Variants in ANO7 observed in about 807,000 individuals in gnomAD.
ANO7 encodes the protein anoctamin 7.
Under a neutral mutation model 115.8 loss-of-function variants are expected in ANO7, and 114 were observed. That is an observed-to-expected ratio of 0.98 (90% CI 0.85 to 1.15). ANO7 has a LOEUF of 1.15. ANO7 is among the 50% of genes most tolerant of loss of function. The pLI is 0.00. For missense variants in ANO7, 1,302 were observed against 1,201.2 expected (o/e 1.08, Z -1.24); for synonymous variants, 550 against 498.2 (o/e 1.10, Z -1.38).
chr2:241,195,091 T>C (rs1417346511), intron 3 of ANO7, among the ~76,000 whole-genome samples: 4 of 152,174 alleles, frequency 2.6e-5, no homozygotes, highest in African/African-American at 7.2e-5. Flanking sequence ...GGTGGCTCCG[T>C]CTTCTTCCCA....
intron 21 of ANO7, among the ~76,000 whole-genome samples, chr2:241,221,519 G>GCTA: frequency 6.6e-6 from 1 of 151,840 alleles, no homozygotes; most frequent in Admixed American, 6.6e-5. Context: ...ACAGGCGTGC[G>GCTA]CTACCACACC....
chr2:241,239,502 G>A, the ANO7 span: 2 of 947,490 alleles, frequency 2.1e-6, no homozygotes, highest in Non-Finnish European at 3.3e-6. This position sits in a 1 kb window ranked among gnomAD's most constrained non-coding sequence, Gnocchi z 4.6. Context: ...GGCTGTATGA[G>A]GGAGTCACCT....
intron 2 of ANO7, 118 bp downstream of exon 2, chr2:241,190,289 C>A: frequency 1.2e-6 from 1 of 836,540 alleles, no homozygotes; most frequent in Non-Finnish European, 1.9e-6. Context: ...GTTTCTCCTG[C>A]ATCCCCCGGC....
At chr2:241,201,529 G>A (rs1429223885) in intron 7 of ANO7, among the ~76,000 whole-genome samples, 174 bp downstream of exon 7, 1 of 152,218 alleles carries the variant, frequency 6.6e-6, no homozygotes, top group Non-Finnish European at 1.5e-5. Context: ...CACAGGGCAG[G>A]CCATGACCTG....
rs2068913677 is a variant in ANO7, at chr2:241,218,295, C to T, written c.2235C>T (p.Thr745=). 2 of 1,536,560 alleles carry T rather than the reference C, an allele frequency of 1.3e-6. No individual in the cohort carries two copies. Among genetic ancestry groups the T allele is most frequent in the Non-Finnish European group, 1.7e-6 (2 of 1,149,326 alleles). The change falls in exon 21 of 25, where the codon ACC becomes ACT. Residue 745 remains threonine (T), a synonymous_variant. Transcript: ENST00000674324. ...TGCCGCGCGCCTACTACCGGTGGAC[C>T]CGCGCCCACGACCTGCGCGGCTTCC... is the stretch of plus-strand genomic sequence containing the variant. ...DFLPRAYYRW[T]RAHDLRGFLN... is the part of the protein sequence containing the mutation.
downstream of ANO7, among the ~76,000 whole-genome samples, chr2:241,226,290 C>T (rs557593123): frequency 9.2e-5 from 14 of 152,180 alleles, no homozygotes; most frequent in African/African-American, 3.1e-4. Context: ...CCATCCGTGC[C>T]GAGCATCCAT....
the ANO7 span, chr2:241,235,314 T>C: frequency 3.0e-5 from 49 of 1,611,172 alleles, no homozygotes; most frequent in African/African-American, 4.7e-4. Flanking sequence ...AAAGAGTCCA[T>C]TGGCCCTGGG....
chr2:241,195,078 C>T (rs2068290886), intron 3 of ANO7, among the ~76,000 whole-genome samples: 1 of 152,202 alleles, frequency 6.6e-6, no homozygotes, highest in South Asian at 2.1e-4. Flanking sequence ...TTCTCACAGA[C>T]CCGGTGGCTC....
Position 241,217,691 on chromosome 2 carries a change from C to A in ANO7, c.1978C>A (p.Gln660Lys). 1.1e-5 allele frequency: 18 copies of A among 1,584,348 alleles called. No homozygotes were observed. The highest frequency in any genetic ancestry group is 1.5e-5 in the Non-Finnish European group (18 of 1,166,074). The change falls in exon 20 of 25, where the codon CAG (glutamine) becomes AAG (lysine). Residue 660 changes from glutamine to lysine, a missense_variant. Physicochemically the swap from Gln to Lys is moderately conservative, Grantham distance 53. Coordinates refer to ENST00000674324, the MANE Select transcript of ANO7 (RefSeq NM_001370694.2). ...CCGTGACCCCCTCCCCGCAGTGCTG[C>A]AGTTCGGCTTCGTCACCATCTTCGT... is the stretch of plus-strand genomic sequence containing the variant. ...LFDEYLEMVL[Q>K]FGFVTIFVAA...
chr2:241,189,020 C>A (rs1261283786), intron 1 of ANO7, among the ~76,000 whole-genome samples: 1 of 152,212 alleles, frequency 6.6e-6, no homozygotes, highest in Non-Finnish European at 1.5e-5. Context: ...TGGAGCAGGT[C>A]CCTTCGTTGG....
In ANO7 at chr2:241,210,372, C is replaced by T. The variant is rs531596274; in HGVS notation, c.1437C>T (p.Gly479=). 3.1e-6 allele frequency: 5 copies of T among 1,614,074 alleles called. 1 individual carries two copies. The Admixed American group carries it at 8.3e-5, about 27-fold the overall frequency. Residue 479 remains glycine, a synonymous_variant, in exon 14 of 25, where the codon GGC becomes GGT. Coordinates refer to ENST00000674324, the MANE Select transcript of ANO7 (RefSeq NM_001370694.2). ...AIMAIVVSRS[G]NTLLAAWASR... ...TGGCCATCGTGGTGTCCAGGTCGGG[C>T]AACACCCTTCTCGCAGCCTGGGTGA...
At chr2:241,235,731 C>T in the ANO7 span, 2 of 622,194 alleles carry the variant, frequency 3.2e-6, no homozygotes, top group East Asian at 2.7e-5. Context: ...ACAATGCCAC[C>T]AGGACCTTTA....
At chr2:241,230,746 C>T (rs2069648420), downstream of ANO7, 1 of 1,612,532 alleles carries the variant, frequency 6.2e-7, no homozygotes, top group African/African-American at 1.3e-5. The surrounding 1 kb of genome is among the most constrained non-coding windows in gnomAD (Gnocchi z 5.0). Context: ...CACTGTGCTT[C>T]CAGCCGGCTC....
the ANO7 span, chr2:241,235,598 C>T: frequency 5.0e-6 from 8 of 1,606,664 alleles, no homozygotes; most frequent in Non-Finnish European, 6.8e-6. Context: ...CCAATGCCTG[C>T]AGGGAGGATG....
At chr2:241,239,665 G>A in the ANO7 span, 2 of 1,614,098 alleles carry the variant, frequency 1.2e-6, no homozygotes, top group African/African-American at 2.7e-5. This position sits in a 1 kb window ranked among gnomAD's most constrained non-coding sequence, Gnocchi z 4.6. Context: ...TGGCGCCCTT[G>A]AGGGTGACTT....
At chr2:241,232,184 C>T in the ANO7 span, among the ~76,000 whole-genome samples, 1 of 152,200 alleles carries the variant, frequency 6.6e-6, no homozygotes, top group African/African-American at 2.4e-5. Flanking sequence ...AAGCACAGCT[C>T]ACAGGAAAAA....
intron 3 of ANO7, among the ~76,000 whole-genome samples, chr2:241,193,861 A>G (rs2068258456): frequency 6.6e-6 from 1 of 152,060 alleles, no homozygotes; most frequent in South Asian, 2.1e-4. Context: ...GGTCTACTTT[A>G]ATTTCTCTTT....
intron 4 of ANO7, among the ~76,000 whole-genome samples, chr2:241,196,899 G>A (rs926108549): frequency 5.9e-5 from 9 of 151,812 alleles, no homozygotes; most frequent in Non-Finnish European, 1.2e-4. Context: ...GTGCCTGTGT[G>A]CAGGGACTTC....
chr2:241,199,234 C>A, intron 4 of ANO7, 82 bp from the exon 5 acceptor site: 1 of 1,233,894 alleles, frequency 8.1e-7, no homozygotes. Flanking sequence ...CAGTCTTTTC[C>A]TAAGAGTGCG....
Sources: gnomAD v4.1 joint callset for allele counts (sites outside exome capture counted in the v4.1 genomes callset) on GRCh38, gnomAD v4.1.1 for gene constraint, Gnocchi (gnomAD v3.1) non-coding constraint, MANE v1.5 for transcripts, NCBI Gene and HGNC (gene_info 2026-07-23, HGNC 2026-07-21) for gene names.